NRG1: variants seen among roughly 807,000 people sequenced by gnomAD.
The protein encoded by NRG1 is neuregulin 1, also known as pro-neuregulin-1, membrane-bound isoform.
Under a neutral mutation model 63.8 loss-of-function variants are expected in NRG1, and 18 were observed. That is an observed-to-expected ratio of 0.28 (90% CI 0.19 to 0.42). The LOEUF (loss-of-function observed/expected upper bound fraction) is 0.42, where lower values mean the gene tolerates loss of function less well. NRG1 is among the 10% of genes least tolerant of loss of function. NRG1 has a pLI of 1.00. For missense variants in NRG1, 762 were observed against 814.7 expected (o/e 0.94, Z 0.79); for synonymous variants, 302 against 301.3 (o/e 1.00, Z -0.02).
At chr8:32,271,047 C>A (rs1424123798) in intron 1 of NRG1, among the ~76,000 whole-genome samples, 1 of 152,064 alleles carries the variant, frequency 6.6e-6, no homozygotes, top group Non-Finnish European at 1.5e-5. Flanking sequence ...TGTTTTGGGG[C>A]CTTTTTGCCC....
At chr8:31,965,524 G>A (rs1454949678) in intron 1 of NRG1, among the ~76,000 whole-genome samples, 1 of 152,114 alleles carries the variant, frequency 6.6e-6, no homozygotes, top group African/African-American at 2.4e-5. Context: ...CACCCAGCCA[G>A]ATGTCTTTTT....
chr8:31,641,382 T>G (rs886167718), intron 1 of NRG1, among the ~76,000 whole-genome samples: 1 of 151,914 alleles, frequency 6.6e-6, no homozygotes, highest in African/African-American at 2.4e-5. Flanking sequence ...TTTCACAATA[T>G]TTTGGTTTGG....
chr8:32,582,625 TAG>T (rs774336986), intron 1 of NRG1, among the ~76,000 whole-genome samples: 11 of 152,268 alleles, frequency 7.2e-5, no homozygotes, highest in Non-Finnish European at 1.3e-4. Context: ...ACCTAGGTAA[TAG>T]ATGGACTTGG....
chr8:31,836,044 G>A (rs1052192701), intron 1 of NRG1, among the ~76,000 whole-genome samples: 1 of 152,116 alleles, frequency 6.6e-6, no homozygotes. Flanking sequence ...ATTTAGAATA[G>A]TAAAGCTGAA....
chr8:32,514,892 A>T (rs1054479664), intron 1 of NRG1, among the ~76,000 whole-genome samples: 1 of 152,044 alleles, frequency 6.6e-6, no homozygotes, highest in Non-Finnish European at 1.5e-5. Flanking sequence ...AATATATTGC[A>T]TAATGCTGAG....
chr8:32,208,198 A>G (rs977912801), intron 1 of NRG1, among the ~76,000 whole-genome samples: 4 of 152,128 alleles, frequency 2.6e-5, no homozygotes, highest in African/African-American at 9.7e-5. Context: ...CATATGGCAG[A>G]TGGACTAACA....
intron 5 of NRG1, among the ~76,000 whole-genome samples, chr8:32,672,210 A>G (rs899547443): frequency 1.3e-5 from 2 of 151,618 alleles, no homozygotes; most frequent in South Asian, 4.2e-4. Flanking sequence ...ACGCCCCACT[A>G]ATTTTTGTAT....
intron 1 of NRG1, among the ~76,000 whole-genome samples, chr8:31,654,798 A>G (rs1406534055): frequency 6.6e-6 from 1 of 152,130 alleles, no homozygotes; most frequent in Admixed American, 6.6e-5. Flanking sequence ...TAAATTTGCC[A>G]GGCTTGGTGG....
intron 1 of NRG1, among the ~76,000 whole-genome samples, chr8:32,306,974 G>A (rs1249799571): frequency 6.6e-6 from 1 of 152,152 alleles, no homozygotes; most frequent in Admixed American, 6.5e-5. Context: ...CAGCTTTTGA[G>A]ACATTAAAAA....
intron 1 of NRG1, among the ~76,000 whole-genome samples, chr8:32,416,643 TTTTG>T (rs1056546195): frequency 1.8e-4 from 28 of 152,160 alleles, no homozygotes; most frequent in African/African-American, 3.4e-4. Flanking sequence ...TTTTCCTTGT[TTTTG>T]TTTGTTTGTT....
chr8:31,903,791 C>T (rs2129615725), intron 1 of NRG1, among the ~76,000 whole-genome samples: 1 of 151,950 alleles, frequency 6.6e-6, no homozygotes, highest in South Asian at 2.1e-4. Context: ...CCCGTTTCTA[C>T]TAAAAATACA....
intron 1 of NRG1, among the ~76,000 whole-genome samples, chr8:31,894,541 T>G (rs1191765924): frequency 8.9e-6 from 1 of 112,702 alleles, no homozygotes; most frequent in African/African-American, 3.4e-5. Flanking sequence ...AATTGCTATT[T>G]CTTTCTTTTT....
rs187262193 is a variant in NRG1, at chr8:31,840,189, A to G, written c.37+200758A>G. ...GTGATGGGCAAAATGACTTACACCAATTTGTGACGGTCCTGTTGCAAATTC... is the reference window on the plus strand; with the variant it reads ...GTGATGGGCAAAATGACTTACACCAGTTTGTGACGGTCCTGTTGCAAATTC... On this transcript the variant is annotated intron_variant, in intron 1 of 10. Transcript: ENST00000519301. Among the ~76,000 whole-genome samples the G allele has an allele frequency of 2.1e-3, 313 of 152,234 alleles. 1 individual carries two copies. Among genetic ancestry groups the G allele is most frequent in the African/African-American group, 7.1e-3 (297 of 41,540 alleles).
chr8:32,522,884 C>T (rs955676748), intron 1 of NRG1, among the ~76,000 whole-genome samples: 1 of 151,496 alleles, frequency 6.6e-6, no homozygotes, highest in African/African-American at 2.4e-5. Flanking sequence ...TAGCTCACTG[C>T]AGCCTCAAAC....
intron 1 of NRG1, among the ~76,000 whole-genome samples, chr8:31,717,667 C>T (rs1015983145): frequency 8.6e-5 from 13 of 152,016 alleles, no homozygotes; most frequent in African/African-American, 2.9e-4. Flanking sequence ...ATTTACTGTC[C>T]TAAAATAAGT....
chr8:32,632,278 C>T (rs1024037102), intron 5 of NRG1, among the ~76,000 whole-genome samples: 3 of 152,052 alleles, frequency 2.0e-5, no homozygotes, highest in Non-Finnish European at 2.9e-5. Context: ...ACTGGCCAGG[C>T]GTGGTGGCTC....
chr8:32,756,412 G>A (rs766237453), exon 9 of NRG1: 1 of 1,610,280 alleles, frequency 6.2e-7, no homozygotes, highest in Non-Finnish European at 8.5e-7. Flanking sequence ...GGAAACAGCG[G>A]AAAAAGCTGC....
intron 1 of NRG1, among the ~76,000 whole-genome samples, chr8:31,982,601 C>T (rs1301965943): frequency 2.0e-5 from 3 of 151,886 alleles, no homozygotes; most frequent in Admixed American, 6.6e-5. Flanking sequence ...AATGATGACT[C>T]GGGAGAGGCA....
intron 1 of NRG1, among the ~76,000 whole-genome samples, chr8:32,257,561 A>AT (rs34737616): frequency 1.1e-4 from 17 of 151,720 alleles, no homozygotes; most frequent in Admixed American, 3.9e-4. Flanking sequence ...GTAGCTGACG[A>AT]TTTTTTTTTC....
Sources: gnomAD v4.1 joint callset for allele counts (sites outside exome capture counted in the v4.1 genomes callset) on GRCh38, gnomAD v4.1.1 for gene constraint, MANE v1.5 for transcripts, NCBI Gene and HGNC (gene_info 2026-07-23, HGNC 2026-07-21) for gene names.